Variants in CFAP46 observed in about 807,000 individuals in gnomAD.
The protein encoded by CFAP46 is cilia- and flagella-associated protein 46.
In CFAP46, 245 loss-of-function variants were observed where a neutral mutation model predicts 325.7. The observed-to-expected ratio is 0.75, with a 90% CI of 0.68 to 0.84. The LOEUF (loss-of-function observed/expected upper bound fraction) is 0.84. CFAP46 is among the 40% of genes least tolerant of loss of function. CFAP46 has a pLI of 0.00. For missense variants in CFAP46, 3,346 were observed against 3,543.0 expected (o/e 0.94, Z 1.41); for synonymous variants, 1,523 against 1,495.9 (o/e 1.02, Z -0.42).
chr10:132,891,673 C>T (rs935577984), intron 25 of CFAP46, among the ~76,000 whole-genome samples: 5 of 152,188 alleles, frequency 3.3e-5, no homozygotes, highest in African/African-American at 1.2e-4. Flanking sequence ...GAGTCTGGTG[C>T]CTTTTTGTCT....
chr10:132,885,118 G>A lies in CFAP46; in HGVS notation c.3612C>T (p.Ala1204=). The change falls in exon 27 of 58, where the codon GCC becomes GCT. Residue 1204 remains alanine (A), a synonymous_variant. Transcript: ENST00000368586. ...GGCTTCACACCTGCAAGGCCTGGAT[G>A]GCGTTGTTGTAGCAGGCCAGCTCTC... ...VSGELACYNN[A]IQALQKPEME... is the part of the protein sequence containing the mutation. 1 of 1,547,872 alleles carries A rather than the reference G, an allele frequency of 6.5e-7. No individual in the cohort carries two copies. The highest frequency in any genetic ancestry group is 1.8e-4 in the Middle Eastern group (1 of 5,534).
At chr10:132,857,547 T>C (rs1453213405) in intron 39 of CFAP46, 43 bp downstream of exon 39, 9 of 1,585,454 alleles carry the variant, frequency 5.7e-6, no homozygotes, top group East Asian at 4.5e-5. Context: ...TATATCCCGG[T>C]GGGAGTGACC....
Position 132,811,017 on chromosome 10 carries a change from C to T in CFAP46, c.7516G>A (p.Val2506Ile), listed in dbSNP as rs751870792. 6 of 1,601,478 alleles carry T rather than the reference C, an allele frequency of 3.7e-6. No individual in the cohort carries two copies. In the African/African-American group the frequency reaches 5.4e-5, roughly 14 times the overall value. Residue 2506 changes from valine to isoleucine, a missense_variant, in exon 56 of 58, where the codon GTC (valine) becomes ATC (isoleucine). Val to Ile is a conservative substitution (Grantham distance 29). Transcript: ENST00000368586. ...TAGGACCGCGCCAGGTCCAGCAGGA[C>T]TGCCACCTGGCACTCTGCCGGGACG... ...AMNLQECQVA[V>I]LLDLARSYQS...
intron 54 of CFAP46, among the ~76,000 whole-genome samples, 185 bp from the exon 55 acceptor site, chr10:132,813,082 C>T (rs956772731): frequency 3.3e-5 from 5 of 152,140 alleles, no homozygotes; most frequent in Non-Finnish European, 7.4e-5. Context: ...ACAGGGGTCA[C>T]GGCGGAGCCT....
chr10:132,935,290 T>TCA lies in CFAP46; in HGVS notation c.756-429_756-428insTG, dbSNP rs1564805979. ...ACCCACTGTGATCTCCTCACTCCCCTGAGCACCCAAACACACTGCGATCTT... is the reference window on the plus strand; with the variant it reads ...ACCCACTGTGATCTCCTCACTCCCCTCAGAGCACCCAAACACACTGCGATCTT... On this transcript the variant is annotated intron_variant, in intron 7 of 57. Coordinates refer to ENST00000368586, the MANE Select transcript of CFAP46 (RefSeq NM_001200049.3). Among the ~76,000 whole-genome samples, 1,190 of 140,872 alleles carry TCA rather than the reference T, an allele frequency of 8.4e-3. 138 individuals are homozygous for TCA. The highest frequency in any genetic ancestry group is 0.029 in the African/African-American group (948 of 33,236). 92.4% of individuals were successfully genotyped at this position (140,872 alleles called of 152,430 possible). A position where few individuals can be genotyped will look rare whatever the true frequency, so the allele number is the denominator to read the frequency against.
In CFAP46 at chr10:132,828,274, C is replaced by T. The variant is rs1359475281; in HGVS notation, c.7117+5084G>A. On this transcript the variant is annotated intron_variant, in intron 50 of 57. Coordinates refer to ENST00000368586, the MANE Select transcript of CFAP46 (RefSeq NM_001200049.3). The surrounding 1 kb of genome is among the most constrained non-coding windows in gnomAD (Gnocchi z 4.9). Reference sequence around the variant, plus strand: ...CCTGCTTTAACTTCTTAAGAAACTGCCAAACTGTCTTCCAAAGTGGCTCCA... The same window carrying T: ...CCTGCTTTAACTTCTTAAGAAACTGTCAAACTGTCTTCCAAAGTGGCTCCA... Among the ~76,000 whole-genome samples, 2 of 152,224 alleles carry T rather than the reference C, an allele frequency of 1.3e-5. No individual in the cohort carries two copies. Among genetic ancestry groups the T allele is most frequent in the African/African-American group, 4.8e-5 (2 of 41,454 alleles).
intron 21 of CFAP46, 108 bp downstream of exon 21, chr10:132,909,029 T>C: frequency 1.4e-6 from 1 of 736,884 alleles, no homozygotes; most frequent in Non-Finnish European, 2.3e-6. Context: ...CGGGGCAGAG[T>C]GGGGGTGAGC....
chr10:132,862,600 G>A (rs567080654), intron 35 of CFAP46, among the ~76,000 whole-genome samples: 1 of 152,048 alleles, frequency 6.6e-6, no homozygotes, highest in Non-Finnish European at 1.5e-5. Flanking sequence ...GTCGGCGGGG[G>A]TCTGAGTGCT....
rs185087227 is a variant in CFAP46, at chr10:132,885,174, G to A, written c.3556C>T (p.Arg1186Cys). The A allele has an allele frequency of 2.6e-5, 40 of 1,550,472 alleles. 1 individual carries two copies. The highest frequency in any genetic ancestry group is 2.4e-4 in the Admixed American group (12 of 51,012). The change falls in exon 27 of 58, where the codon CGC becomes TGC. Residue 1186 changes from arginine (R) to cysteine (C), a missense_variant. Transcript: ENST00000368586. ...SEDYLARMWHRLALNSPSVSG... is the reference protein window; with the variant it reads ...SEDYLARMWHCLALNSPSVSG... ...ACGCTCGGCGAGTTCAGGGCCAGGC[G>A]GTGCCACATGCGCGCCAAGTAGTCC...
In CFAP46 at chr10:132,899,128, G is replaced by A. The variant is rs780035833; in HGVS notation, c.3057-7C>T. Reference sequence around the variant, plus strand: ...GCCCGCGATGCCTCCGAACCTAAAAGAGGGCAGGTCATGACGCGGTGGCTC... The same window carrying A: ...GCCCGCGATGCCTCCGAACCTAAAAAAGGGCAGGTCATGACGCGGTGGCTC... On this transcript the variant is annotated splice_region_variant and splice_polypyrimidine_tract_variant and intron_variant, in intron 23 of 57. Transcript: ENST00000368586. The A allele has an allele frequency of 5.2e-6, 8 of 1,540,596 alleles. No homozygotes were observed. In the South Asian group the frequency reaches 8.4e-5, roughly 16 times the overall value.
At position 132,827,118 on chromosome 10, in the gene CFAP46, C is replaced by A. The variant is rs955224903; in HGVS notation, c.7117+6240G>T. On this transcript the variant is annotated intron_variant, in intron 50 of 57. Transcript: ENST00000368586. This position sits in a 1 kb window ranked among gnomAD's most constrained non-coding sequence, Gnocchi z 5.7. ...CCTGCCTCTCCACCCGGCACTCCCACCCTCTCCACAGCCTGAGCCCCACCC... is the reference window on the plus strand; with the variant it reads ...CCTGCCTCTCCACCCGGCACTCCCAACCTCTCCACAGCCTGAGCCCCACCC... 6.6e-6 allele frequency among the ~76,000 whole-genome samples: 1 copy of A among 152,194 alleles called. No homozygotes were observed. Among genetic ancestry groups the A allele is most frequent in the African/African-American group, 2.4e-5 (1 of 41,460 alleles).
intron 41 of CFAP46, among the ~76,000 whole-genome samples, chr10:132,849,703 G>C (rs967523605): frequency 5.9e-5 from 9 of 152,206 alleles, no homozygotes; most frequent in African/African-American, 2.2e-4. Context: ...GCCCTTCTCA[G>C]AGCCACCTGG....
intron 44 of CFAP46, chr10:132,837,186 G>A (rs1848265832): frequency 2.2e-6 from 1 of 461,618 alleles, no homozygotes; most frequent in Non-Finnish European, 3.9e-6. Context: ...TTTGCATGAC[G>A]CAAAGTGCAT....
At chr10:132,902,812 C>T (rs931990698) in intron 22 of CFAP46, among the ~76,000 whole-genome samples, 1 of 152,222 alleles carries the variant, frequency 6.6e-6, no homozygotes, top group Non-Finnish European at 1.5e-5. Flanking sequence ...TTACTGGTGG[C>T]TCAGCTTCAT....
chr10:132,863,143 A>G (rs1442459450), intron 35 of CFAP46, among the ~76,000 whole-genome samples: 1 of 152,018 alleles, frequency 6.6e-6, no homozygotes, highest in Admixed American at 6.5e-5. Context: ...CCCGGGTATG[A>G]GGCAGGTTCA....
Position 132,857,637 on chromosome 10 carries a change from C to G in CFAP46, c.5527G>C (p.Glu1843Gln). 6.2e-7 allele frequency: 1 copy of G among 1,613,146 alleles called. No homozygotes were observed. Among genetic ancestry groups the G allele is most frequent in the Non-Finnish European group, 8.5e-7 (1 of 1,179,600 alleles). Reference protein sequence around the residue: ...YGLAQGAMAEEEGRLHSVQGL... With the variant: ...YGLAQGAMAEQEGRLHSVQGL... ...TGGACGCTGTGAAGCCTCCCTTCTT[C>G]CTCAGCCATGGCGCCCTGGGCCAGG... The change falls in exon 39 of 58, where the codon GAA becomes CAA. Residue 1843 changes from glutamate to glutamine, a missense_variant. Glu to Gln is a conservative substitution (Grantham distance 29, BLOSUM62 2). Coordinates refer to ENST00000368586, the MANE Select transcript of CFAP46 (RefSeq NM_001200049.3).
In CFAP46 at chr10:132,868,376, C is replaced by G. The variant is rs79017788; in HGVS notation, c.4611-869G>C. On this transcript the variant is annotated intron_variant, in intron 33 of 57. Coordinates refer to ENST00000368586, the MANE Select transcript of CFAP46 (RefSeq NM_001200049.3). ...GCTGTGAGGACAACCGGGCCAAAGA[C>G]CAGGTTCCTGGGACACTGCTCCACG... Among the ~76,000 whole-genome samples the G allele has an allele frequency of 2.2e-4, 33 of 152,348 alleles. No homozygotes were observed. In the East Asian group the frequency reaches 5.6e-3, roughly 26 times the overall value.
chr10:132,907,999 C>T (rs1849480865), intron 22 of CFAP46, among the ~76,000 whole-genome samples: 1 of 152,266 alleles, frequency 6.6e-6, no homozygotes, highest in African/African-American at 2.4e-5. Context: ...TTGTCCCAGC[C>T]TCTGAAGGCT....
Position 132,919,066 on chromosome 10 carries a change from C to A in CFAP46, c.1858+249G>T, listed in dbSNP as rs771351102. ...CTGTGGTGGCCCCTGCCTGAGCCTC[C>A]GAGGCCCCCAGTGACTGAAGATGGA... On this transcript the variant is annotated intron_variant, in intron 15 of 57. Coordinates refer to ENST00000368586, the MANE Select transcript of CFAP46 (RefSeq NM_001200049.3). The surrounding 1 kb of genome is among the most constrained non-coding windows in gnomAD (Gnocchi z 9.7). Among the ~76,000 whole-genome samples, 1 of 152,236 alleles carries A rather than the reference C, an allele frequency of 6.6e-6. No individual in the cohort carries two copies. Among genetic ancestry groups the A allele is most frequent in the Non-Finnish European group, 1.5e-5 (1 of 68,044 alleles).
Sources: allele counts gnomAD v4.1 joint callset (sites outside exome capture counted in the v4.1 genomes callset), GRCh38; gene constraint gnomAD v4.1.1; non-coding constraint Gnocchi (gnomAD v3.1); transcripts MANE v1.5; gene names NCBI Gene and HGNC (gene_info 2026-07-23, HGNC 2026-07-21).